Variants in CADPS2 observed in about 807,000 individuals in gnomAD.
The protein encoded by CADPS2 is calcium dependent secretion activator 2.
CADPS2 carries 93 observed loss-of-function variants against 172.5 expected under a neutral mutation model. The observed-to-expected ratio is 0.54, with a 90% CI of 0.46 to 0.64. The LOEUF (loss-of-function observed/expected upper bound fraction) is 0.64. Among genes scored for constraint, CADPS2 ranks in the 30% least tolerant of loss-of-function variants. CADPS2 has a pLI of 0.00. For synonymous variants in CADPS2, 546 were observed against 555.2 expected (o/e 0.98, Z 0.23); for missense variants, 1,420 against 1,565.9 (o/e 0.91, Z 1.57).
At chr7:122,623,699 T>C (rs184475684) in intron 4 of CADPS2, among the ~76,000 whole-genome samples, 1 of 152,318 alleles carries the variant, frequency 6.6e-6, no homozygotes, top group Admixed American at 6.5e-5. Flanking sequence ...GGTCTGGTTT[T>C]AACACCTAAC....
chr7:122,878,630 A>C (rs1821970704), intron 1 of CADPS2, among the ~76,000 whole-genome samples: 1 of 142,070 alleles, frequency 7.0e-6, no homozygotes, highest in Non-Finnish European at 1.5e-5. Context: ...ACAGAGCAAG[A>C]CTCTGTCTCA....
At chr7:122,702,748 C>T (rs1284869468) in intron 2 of CADPS2, 2 of 1,592,906 alleles carry the variant, frequency 1.3e-6, no homozygotes, top group Non-Finnish European at 1.7e-6. Context: ...TAAGGAAGCT[C>T]ATGCCTCCAT....
At chr7:122,558,653 A>T (rs1265708576) in intron 7 of CADPS2, among the ~76,000 whole-genome samples, 1 of 152,208 alleles carries the variant, frequency 6.6e-6, no homozygotes, top group Admixed American at 6.6e-5. Flanking sequence ...AATATACAGG[A>T]GGAAAAACTA....
chr7:122,463,893 T>C (rs2054791639), intron 14 of CADPS2, among the ~76,000 whole-genome samples: 1 of 152,186 alleles, frequency 6.6e-6, no homozygotes, highest in Admixed American at 6.5e-5. Context: ...AAGAAAAGCA[T>C]GCTGAAATGA....
chr7:122,359,022 A>C (rs2039788406), intron 27 of CADPS2, among the ~76,000 whole-genome samples: 1 of 152,122 alleles, frequency 6.6e-6, no homozygotes, highest in Non-Finnish European at 1.5e-5. Flanking sequence ...GAACCATTTG[A>C]GGGCAAGAAA....
chr7:122,756,356 T>C (rs1354387740), intron 1 of CADPS2, among the ~76,000 whole-genome samples: 1 of 152,192 alleles, frequency 6.6e-6, no homozygotes, highest in Non-Finnish European at 1.5e-5. Context: ...AGTCATTACT[T>C]TCAAATTTTT....
intron 17 of CADPS2, among the ~76,000 whole-genome samples, chr7:122,423,861 G>A (rs1376300669): frequency 6.6e-6 from 1 of 152,098 alleles, no homozygotes; most frequent in East Asian, 1.9e-4. Context: ...GCTGGTGTAG[G>A]GAATGCACTT....
intron 1 of CADPS2, among the ~76,000 whole-genome samples, chr7:122,785,452 T>C (rs1793794684): frequency 6.6e-6 from 1 of 152,092 alleles, no homozygotes; most frequent in African/African-American, 2.4e-5. Context: ...TTGATAAGAG[T>C]CTCTGGAGGA....
chr7:122,485,385 A>C (rs915877813), intron 11 of CADPS2, among the ~76,000 whole-genome samples: 2 of 152,226 alleles, frequency 1.3e-5, no homozygotes, highest in African/African-American at 4.8e-5. Flanking sequence ...ACAAATAATA[A>C]GAAAGCAAAA....
chr7:122,860,419 GAGGCAGGGTCTCACTTTGTTGGCC>G (rs1397289932), intron 1 of CADPS2, among the ~76,000 whole-genome samples: 3 of 151,994 alleles, frequency 2.0e-5, no homozygotes, highest in Non-Finnish European at 4.4e-5. Flanking sequence ...TCTTTTTGTA[GAGGCAGGGTCTCACTTTGTTGGCC>G]AGGCTTGTCT....
intron 1 of CADPS2, among the ~76,000 whole-genome samples, chr7:122,784,188 A>T (rs78610067): frequency 0.016 from 2,441 of 152,258 alleles, 35 homozygotes; most frequent in South Asian, 0.026. Flanking sequence ...TCAGTTTTTT[A>T]AAATATTGTT....
At chr7:122,392,681 G>C (rs1385571157) in intron 22 of CADPS2, among the ~76,000 whole-genome samples, 3 of 152,008 alleles carry the variant, frequency 2.0e-5, no homozygotes, top group Non-Finnish European at 4.4e-5. Flanking sequence ...AACAAAAGAA[G>C]AACTTCCTGG....
intron 5 of CADPS2, among the ~76,000 whole-genome samples, chr7:122,621,078 T>C (rs1271761080): frequency 6.6e-6 from 1 of 151,996 alleles, no homozygotes; most frequent in African/African-American, 2.4e-5. Flanking sequence ...GATAATTTTT[T>C]TTTTTTAGAA....
intron 9 of CADPS2, among the ~76,000 whole-genome samples, chr7:122,507,802 GAGA>G (rs957291842): frequency 6.6e-6 from 1 of 152,130 alleles, no homozygotes; most frequent in Non-Finnish European, 1.5e-5. Context: ...TATGGTGGTG[GAGA>G]AGATGGAGAT....
At chr7:122,569,162 T>C (rs62474634) in intron 7 of CADPS2, among the ~76,000 whole-genome samples, 13,944 of 152,190 alleles carry the variant, frequency 0.092, 763 homozygotes, top group East Asian at 0.28. Context: ...CTCCTTAAGC[T>C]GATAAGCAAC....
intron 24 of CADPS2, among the ~76,000 whole-genome samples, chr7:122,385,983 A>G (rs1392101704): frequency 2.0e-5 from 3 of 152,126 alleles, no homozygotes; most frequent in Non-Finnish European, 2.9e-5. Context: ...ATTTAAAAGA[A>G]GGTGAATTAA....
At chr7:122,847,096 T>C (rs1044220876) in intron 1 of CADPS2, among the ~76,000 whole-genome samples, 3 of 152,208 alleles carry the variant, frequency 2.0e-5, no homozygotes, top group East Asian at 3.8e-4. Context: ...ACCTTTTTTT[T>C]TCTTTTTTGA....
At chr7:122,785,542 T>G (rs1473209946) in intron 1 of CADPS2, among the ~76,000 whole-genome samples, 2 of 152,170 alleles carry the variant, frequency 1.3e-5, no homozygotes, top group Non-Finnish European at 2.9e-5. Flanking sequence ...ATCTTACTTG[T>G]GTGAGATGTG....
chr7:122,699,115 A>C (rs984777819), intron 2 of CADPS2: 22 of 541,032 alleles, frequency 4.1e-5, no homozygotes, highest in Non-Finnish European at 7.0e-5. Flanking sequence ...AAAACTTTAG[A>C]TTGAAAAATA....
Sources: gnomAD v4.1 joint callset for allele counts (sites outside exome capture counted in the v4.1 genomes callset) on GRCh38, gnomAD v4.1.1 for gene constraint, MANE v1.5 for transcripts, NCBI Gene and HGNC (gene_info 2026-07-23, HGNC 2026-07-21) for gene names.